Variants in NRG3 observed in about 807,000 individuals in gnomAD.
NRG3 encodes neuregulin 3, also known as pro-neuregulin-3, membrane-bound isoform.
NRG3 carries 31 observed loss-of-function variants against 66.9 expected under a neutral mutation model. The ratio of observed to expected loss-of-function variants is 0.46; its 90% CI spans 0.35 to 0.63. NRG3 has a LOEUF of 0.63. Ranked by LOEUF, NRG3 falls within the 20% of genes least tolerant of loss-of-function variation. NRG3 has a pLI of 0.00. For missense variants in NRG3, 910 were observed against 878.9 expected, an observed-to-expected ratio of 1.04 and a Z score of -0.45; for synonymous variants, 393 against 359.4, an observed-to-expected ratio of 1.09 and a Z score of -1.06.
At chr10:82,736,895 A>AATGCATACAAT (rs1463536094) in intron 2 of NRG3, among the ~76,000 whole-genome samples, 1 of 152,254 alleles carries the variant, frequency 6.6e-6, no homozygotes, top group Non-Finnish European at 1.5e-5. Flanking sequence ...TCAAAAAGTG[A>AATGCATACAAT]ATGCATACAA....
intron 1 of NRG3, among the ~76,000 whole-genome samples, chr10:82,299,033 C>T (rs1210966234): frequency 6.6e-6 from 1 of 152,054 alleles, no homozygotes; most frequent in Non-Finnish European, 1.5e-5. Flanking sequence ...TTTTCTGACC[C>T]TGGAAGTATA....
chr10:81,904,976 CTCTTAAT>C, intron 1 of NRG3, among the ~76,000 whole-genome samples: 1 of 152,186 alleles, frequency 6.6e-6, no homozygotes, highest in Non-Finnish European at 1.5e-5. Context: ...ACCAAAGTAT[CTCTTAAT>C]TCTTAATCCC....
At chr10:82,955,418 G>T (rs1290809607) in intron 5 of NRG3, among the ~76,000 whole-genome samples, 1 of 151,940 alleles carries the variant, frequency 6.6e-6, no homozygotes, top group Non-Finnish European at 1.5e-5. Flanking sequence ...TCTGGCCAGT[G>T]TGGCTCACGC....
chr10:82,547,955 G>A (rs764140924), intron 2 of NRG3, among the ~76,000 whole-genome samples: 40 of 151,626 alleles, frequency 2.6e-4, no homozygotes, highest in African/African-American at 8.7e-4. Flanking sequence ...AAATTGGCCT[G>A]TGATATGAAT....
intron 1 of NRG3, among the ~76,000 whole-genome samples, chr10:82,209,126 C>T (rs1284166724): frequency 6.6e-6 from 1 of 152,134 alleles, no homozygotes; most frequent in Admixed American, 6.6e-5. Context: ...TGTTAAAATA[C>T]AAGTTGAACA....
chr10:81,986,959 CA>C (rs1190289492), intron 1 of NRG3, among the ~76,000 whole-genome samples: 2 of 152,116 alleles, frequency 1.3e-5, no homozygotes, highest in African/African-American at 4.8e-5. Flanking sequence ...TGGGATTCCA[CA>C]ACCTTTAATA....
At chr10:82,601,908 A>G (rs1372049491) in intron 2 of NRG3, among the ~76,000 whole-genome samples, 1 of 147,246 alleles carries the variant, frequency 6.8e-6, no homozygotes, top group African/African-American at 2.5e-5. Flanking sequence ...ATATAACTAT[A>G]TATATATAAA....
At chr10:82,038,031 A>C (rs1227934887) in intron 1 of NRG3, among the ~76,000 whole-genome samples, 1 of 151,312 alleles carries the variant, frequency 6.6e-6, no homozygotes, top group East Asian at 2.0e-4. Context: ...CGGAAAACCC[A>C]AATATGCTTT....
At chr10:82,718,975 G>A (rs1480100817) in intron 2 of NRG3, among the ~76,000 whole-genome samples, 1 of 152,066 alleles carries the variant, frequency 6.6e-6, no homozygotes, top group South Asian at 2.1e-4. Context: ...TAAAACCAAG[G>A]CACAGAATGA....
chr10:82,840,257 G>A (rs1320183343), intron 3 of NRG3, among the ~76,000 whole-genome samples: 25 of 152,052 alleles, frequency 1.6e-4, no homozygotes, highest in Admixed American at 1.6e-3. Flanking sequence ...CTCCCATCAG[G>A]TAGTGCTCAT....
intron 6 of NRG3, among the ~76,000 whole-genome samples, chr10:82,965,824 T>G (rs901104368): frequency 5.3e-5 from 8 of 151,838 alleles, no homozygotes; most frequent in African/African-American, 1.9e-4. Flanking sequence ...TCCAGGAGGG[T>G]TGGTATAGGT....
intron 4 of NRG3, among the ~76,000 whole-genome samples, chr10:82,895,615 C>T (rs1343767069): frequency 6.6e-6 from 1 of 151,692 alleles, no homozygotes; most frequent in Admixed American, 6.6e-5. Flanking sequence ...CTCAGCCTCC[C>T]GAGCAGCTGG....
chr10:82,915,072 C>T (rs1845702029), intron 4 of NRG3, among the ~76,000 whole-genome samples: 1 of 152,296 alleles, frequency 6.6e-6, no homozygotes, highest in South Asian at 2.1e-4. Context: ...TAAGGCTGGT[C>T]CTGCAGAAGT....
intron 1 of NRG3, among the ~76,000 whole-genome samples, chr10:82,072,023 T>G (rs1445624009): frequency 6.6e-6 from 1 of 152,222 alleles, no homozygotes; most frequent in Admixed American, 6.5e-5. Flanking sequence ...TACCTATTTG[T>G]TCTTCCAATG....
intron 2 of NRG3, among the ~76,000 whole-genome samples, chr10:82,673,198 C>A (rs185718943): frequency 6.6e-6 from 1 of 152,220 alleles, no homozygotes; most frequent in African/African-American, 2.4e-5. Flanking sequence ...CAGGGCTGGC[C>A]CCGCCTTGCA....
chr10:82,124,042 G>A (rs544392575), intron 1 of NRG3, among the ~76,000 whole-genome samples: 2 of 151,954 alleles, frequency 1.3e-5, no homozygotes, highest in South Asian at 2.1e-4. Flanking sequence ...CCACTATTGC[G>A]ATGTCATTTC....
At chr10:82,097,407 C>CATATATATATATCTGTAATATAT (rs1393984653) in intron 1 of NRG3, among the ~76,000 whole-genome samples, 3 of 139,394 alleles carry the variant, frequency 2.2e-5, no homozygotes, top group African/African-American at 5.4e-5. Flanking sequence ...CTCCCAGATA[C>CATATATATATATCTGTAATATAT]ATATATATAT....
intron 2 of NRG3, among the ~76,000 whole-genome samples, chr10:82,377,534 G>A (rs895345726): frequency 3.9e-5 from 6 of 152,110 alleles, no homozygotes; most frequent in African/African-American, 1.4e-4. Context: ...TTCTGGGAGG[G>A]TAGAGACCAA....
At chr10:82,841,423 T>TA (rs2063052678) in intron 3 of NRG3, among the ~76,000 whole-genome samples, 1 of 152,184 alleles carries the variant, frequency 6.6e-6, no homozygotes, top group Non-Finnish European at 1.5e-5. Flanking sequence ...GATTAATTAG[T>TA]ATACTGATCT....
Sources: gnomAD v4.1 joint callset for allele counts (sites outside exome capture counted in the v4.1 genomes callset) on GRCh38, gnomAD v4.1.1 for gene constraint, MANE v1.5 for transcripts, NCBI Gene and HGNC (gene_info 2026-07-23, HGNC 2026-07-21) for gene names.